The following LPP variants were observed in gnomAD, a reference collection of about 807,000 sequenced individuals.
LPP encodes the protein lipoma-preferred partner.
Under a neutral mutation model 60.4 loss-of-function variants are expected in LPP, and 38 were observed. The ratio of observed to expected loss-of-function variants is 0.63; its 90% CI spans 0.49 to 0.83. The LOEUF is 0.83. LPP is among the 40% of genes least tolerant of loss of function. The pLI, the probability that LPP is intolerant of heterozygous loss-of-function variation, is 0.00. For missense variants in LPP, 902 were observed against 783.6 expected (o/e 1.15, Z -1.80); for synonymous variants, 328 against 290.8 (o/e 1.13, Z -1.30).
chr3:188,300,728 C>T (rs992785571), intron 2 of LPP, among the ~76,000 whole-genome samples: 2 of 152,060 alleles, frequency 1.3e-5, no homozygotes, highest in African/African-American at 4.8e-5. Flanking sequence ...AGGTAAGTTG[C>T]CTTATGCCAT....
At chr3:188,493,877 A>G (rs1809144993) in intron 5 of LPP, among the ~76,000 whole-genome samples, 1 of 152,154 alleles carries the variant, frequency 6.6e-6, no homozygotes, top group South Asian at 2.1e-4. Context: ...CAATAGTTCT[A>G]CTACATGGAG....
At chr3:188,293,396 A>G (rs550542800) in intron 2 of LPP, among the ~76,000 whole-genome samples, 39 of 152,368 alleles carry the variant, frequency 2.6e-4, no homozygotes, top group Admixed American at 1.4e-3. Flanking sequence ...TGTATACTGA[A>G]ACAATAAACT....
At chr3:188,335,229 G>A (rs961812050) in intron 2 of LPP, among the ~76,000 whole-genome samples, 4 of 152,198 alleles carry the variant, frequency 2.6e-5, no homozygotes, top group African/African-American at 9.6e-5. Flanking sequence ...CCTGACTTGA[G>A]ATATTATATC....
chr3:188,321,940 G>C (rs1757076810), intron 2 of LPP, among the ~76,000 whole-genome samples: 1 of 152,136 alleles, frequency 6.6e-6, no homozygotes, highest in Non-Finnish European at 1.5e-5. Flanking sequence ...TGATCCAAGT[G>C]TTTATTTACT....
chr3:188,687,599 C>T (rs1157305930), intron 7 of LPP, among the ~76,000 whole-genome samples: 2 of 152,078 alleles, frequency 1.3e-5, no homozygotes, highest in African/African-American at 4.8e-5. Flanking sequence ...CTCTGCCATG[C>T]GGAACTGTGA....
At chr3:188,443,147 T>C (rs1794437826) in intron 4 of LPP, among the ~76,000 whole-genome samples, 2 of 152,208 alleles carry the variant, frequency 1.3e-5, no homozygotes, top group Admixed American at 6.5e-5. Flanking sequence ...TACCAACACC[T>C]GTACACAAAG....
At chr3:188,350,171 C>T (rs562777390) in intron 3 of LPP, among the ~76,000 whole-genome samples, 1 of 152,160 alleles carries the variant, frequency 6.6e-6, no homozygotes, top group Admixed American at 6.5e-5. Context: ...CACCTACAAG[C>T]AAGGTAGCTT....
At chr3:188,750,513 A>G (rs1238598564) in intron 8 of LPP, among the ~76,000 whole-genome samples, 2 of 152,116 alleles carry the variant, frequency 1.3e-5, no homozygotes, top group Non-Finnish European at 2.9e-5. Context: ...CACACCTGTA[A>G]TCCCAGCTAC....
chr3:188,653,979 G>T (rs972340925), intron 7 of LPP, among the ~76,000 whole-genome samples: 6 of 152,162 alleles, frequency 3.9e-5, no homozygotes, highest in Admixed American at 1.3e-4. Flanking sequence ...GGATTATCAT[G>T]CCAGCATCCC....
chr3:188,744,072 A>G (rs570139723), intron 8 of LPP, among the ~76,000 whole-genome samples: 1 of 152,188 alleles, frequency 6.6e-6, no homozygotes, highest in Non-Finnish European at 1.5e-5. Context: ...TACAGCTGCT[A>G]AAGCTCCTTA....
At chr3:188,781,481 C>T (rs954125434) in intron 9 of LPP, among the ~76,000 whole-genome samples, 64 of 152,084 alleles carry the variant, frequency 4.2e-4, no homozygotes, top group Non-Finnish European at 1.0e-4. Flanking sequence ...CAGTTCCACA[C>T]GGCTGGGGAG....
intron 9 of LPP, among the ~76,000 whole-genome samples, chr3:188,779,390 T>G (rs1313293905): frequency 6.6e-6 from 1 of 152,064 alleles, no homozygotes; most frequent in East Asian, 1.9e-4. Flanking sequence ...GACACACAGA[T>G]CTGAGGATGG....
chr3:188,391,894 A>G (rs1461428272), intron 3 of LPP, among the ~76,000 whole-genome samples: 2 of 152,110 alleles, frequency 1.3e-5, no homozygotes, highest in African/African-American at 4.8e-5. Context: ...CCATTCTTCT[A>G]ACAGAAAACA....
intron 8 of LPP, among the ~76,000 whole-genome samples, chr3:188,735,266 A>C (rs1406147583): frequency 1.3e-5 from 2 of 152,132 alleles, no homozygotes; most frequent in Admixed American, 1.3e-4. Flanking sequence ...CAATAGCTTT[A>C]TTATAGTTAG....
intron 6 of LPP, among the ~76,000 whole-genome samples, chr3:188,605,660 G>A (rs1842248203): frequency 6.6e-6 from 1 of 152,142 alleles, no homozygotes; most frequent in Non-Finnish European, 1.5e-5. Flanking sequence ...GAGATCTGGT[G>A]TCAAATAAAG....
chr3:188,405,178 A>C (rs1229807080), intron 3 of LPP, among the ~76,000 whole-genome samples: 1 of 152,124 alleles, frequency 6.6e-6, no homozygotes. Flanking sequence ...AAATTCTAAT[A>C]ATTGTCCCAG....
At chr3:188,858,808 G>A (rs192479994) in intron 9 of LPP, among the ~76,000 whole-genome samples, 3 of 152,134 alleles carry the variant, frequency 2.0e-5, no homozygotes, top group East Asian at 1.9e-4. Flanking sequence ...ATGGATGTTC[G>A]GCCGGGCGTG....
At chr3:188,356,612 C>T (rs1184315524) in intron 3 of LPP, among the ~76,000 whole-genome samples, 2 of 152,198 alleles carry the variant, frequency 1.3e-5, no homozygotes, top group African/African-American at 4.8e-5. Context: ...GATCTAGAGT[C>T]AGTGGCTTAT....
At chr3:188,265,760 A>G (rs919145817) in intron 2 of LPP, among the ~76,000 whole-genome samples, 3 of 152,048 alleles carry the variant, frequency 2.0e-5, no homozygotes, top group South Asian at 2.1e-4. Context: ...TCTGTATCCA[A>G]TCAGAGAAGT....
Sources: gnomAD v4.1 joint callset for allele counts (sites outside exome capture counted in the v4.1 genomes callset) on GRCh38, gnomAD v4.1.1 for gene constraint, MANE v1.5 for transcripts, NCBI Gene and HGNC (gene_info 2026-07-23, HGNC 2026-07-21) for gene names.